The following TXNDC16 variants were observed in gnomAD, a reference collection of about 807,000 sequenced individuals.
The protein encoded by TXNDC16 is thioredoxin domain containing 16.
Under a neutral mutation model 85.6 loss-of-function variants are expected in TXNDC16, and 74 were observed. The ratio of observed to expected loss-of-function variants is 0.86; its 90% confidence interval spans 0.72 to 1.05. The LOEUF (loss-of-function observed/expected upper bound fraction) is 1.05, where lower values mean the gene tolerates loss of function less well. Among genes scored for constraint, TXNDC16 ranks in the 50% least tolerant of loss-of-function variants. The probability of loss-of-function intolerance (pLI) is 0.00; values close to 1 mark genes in which losing one functional copy is unlikely to be tolerated. For missense variants in TXNDC16, 959 were observed against 947.0 expected (o/e 1.01, Z -0.17); for synonymous variants, 335 against 326.5 (o/e 1.03, Z -0.28).
chr14:52,511,346 T>C lies in TXNDC16; in HGVS notation c.650A>G (p.Lys217Arg), dbSNP rs749631315. The C allele has an allele frequency of 1.3e-5, 21 of 1,604,820 alleles. 1 individual carries two copies. In the South Asian group the frequency reaches 2.1e-4, roughly 16 times the overall value. The change falls in exon 9 of 21, where the codon AAA becomes AGA. Residue 217 changes from lysine (K) to arginine (R), a missense_variant. Lys to Arg is a conservative substitution (Grantham distance 26). Coordinates refer to ENST00000281741, the MANE Select transcript of TXNDC16 (RefSeq NM_020784.3). ...TTGCTGGGTCAAGTCCAAGACTAGT[T>C]TACAATGAAAAAAGTAGAGATGTGC... ...EYAHLYFFHC[K>R]LVLDLTQQCR...
chr14:52,444,710 A>G (rs114208118), intron 18 of TXNDC16, among the ~76,000 whole-genome samples: 1 of 152,272 alleles, frequency 6.6e-6, no homozygotes, highest in African/African-American at 2.4e-5. Flanking sequence ...TATCCACTAA[A>G]TATACCAAGA....
At chr14:52,465,492 T>TGA (rs1172996691) in intron 16 of TXNDC16, among the ~76,000 whole-genome samples, 2 of 149,664 alleles carry the variant, frequency 1.3e-5, no homozygotes, top group Non-Finnish European at 2.9e-5. Flanking sequence ...CTCGGGAGAC[T>TGA]GAGGCAGGAG....
At chr14:52,488,292 C>A in intron 12 of TXNDC16, 71 bp downstream of exon 12, 1 of 1,560,530 alleles carries the variant, frequency 6.4e-7, no homozygotes, top group Non-Finnish European at 8.7e-7. Flanking sequence ...GAAAGTTAAT[C>A]CATTGGAAAT....
intron 7 of TXNDC16, among the ~76,000 whole-genome samples, chr14:52,517,107 G>C (rs1342978810): frequency 6.6e-6 from 1 of 152,012 alleles, no homozygotes; most frequent in Non-Finnish European, 1.5e-5. Flanking sequence ...AGCTCACTCT[G>C]TATAGCACAC....
At chr14:52,549,139 A>G (rs1439647797) in intron 1 of TXNDC16, among the ~76,000 whole-genome samples, 1 of 152,244 alleles carries the variant, frequency 6.6e-6, no homozygotes, top group East Asian at 1.9e-4. Flanking sequence ...TCCCAACTAC[A>G]TGTAGACTTT....
rs78966484 is a variant in TXNDC16, at chr14:52,487,144, T to C, written c.1108+1219A>G. On this transcript the variant is annotated intron_variant, in intron 12 of 20. Transcript: ENST00000281741. ...TCCTCTAACTCTGAAGGTTCAAATATAGGAACCATTACAGGAATAAGCAGG... is the reference window on the plus strand; with the variant it reads ...TCCTCTAACTCTGAAGGTTCAAATACAGGAACCATTACAGGAATAAGCAGG... 9.2e-3 allele frequency among the ~76,000 whole-genome samples: 1,405 copies of C among 152,062 alleles called. 19 individuals carry two copies. Among genetic ancestry groups the C allele is most frequent in the African/African-American group, 0.032 (1,342 of 41,480 alleles).
intron 9 of TXNDC16, among the ~76,000 whole-genome samples, chr14:52,506,592 C>A (rs2036812184): frequency 7.5e-6 from 1 of 133,166 alleles, no homozygotes. Context: ...CTCTGTCGCC[C>A]AGGCCAGACT....
At chr14:52,546,366 T>C (rs185470351) in intron 1 of TXNDC16, among the ~76,000 whole-genome samples, 1 of 152,300 alleles carries the variant, frequency 6.6e-6, no homozygotes, top group Admixed American at 6.5e-5. Context: ...TTCAGAGAAA[T>C]GCGGCCTTGT....
chr14:52,438,305 C>CT (rs1225291155), intron 20 of TXNDC16, among the ~76,000 whole-genome samples: 1 of 152,152 alleles, frequency 6.6e-6, no homozygotes, highest in Non-Finnish European at 1.5e-5. Context: ...ACAGAGAAAT[C>CT]TTTTGTGAAA....
At position 52,543,421 on chromosome 14, in the gene TXNDC16, G is replaced by A; in HGVS notation, c.137C>T (p.Ser46Phe). 4 of 1,609,478 alleles carry A rather than the reference G, an allele frequency of 2.5e-6. No individual in the cohort carries two copies. The highest frequency in any genetic ancestry group is 2.5e-6 in the Non-Finnish European group (3 of 1,178,582). Residue 46 changes from serine (S) to phenylalanine (F), a missense_variant, in exon 3 of 21, where the codon TCT (serine) becomes TTT (phenylalanine). Ser to Phe is a radical substitution (Grantham distance 155, BLOSUM62 -2). Transcript: ENST00000281741. ...ACCAGCTTGACAAAAATAAGCTAAA[G>A]AGGCTTTTCCTGGTTGCAATGTACT... ...YFSTLQPGKASLAYFCQADSP... is the reference protein window; with the variant it reads ...YFSTLQPGKAFLAYFCQADSP...
intron 18 of TXNDC16, among the ~76,000 whole-genome samples, chr14:52,448,356 A>T (rs2035331791): frequency 6.6e-6 from 1 of 152,076 alleles, no homozygotes; most frequent in African/African-American, 2.4e-5. Flanking sequence ...TTCAGTGGAA[A>T]CCTTACAGGA....
chr14:52,455,133 T>A (rs1377950824), intron 18 of TXNDC16, among the ~76,000 whole-genome samples, 191 bp downstream of exon 18: 3 of 152,272 alleles, frequency 2.0e-5, no homozygotes, highest in African/African-American at 7.2e-5. Context: ...GATGTAAACT[T>A]TTAGCAGTGG....
chr14:52,468,690 C>G (rs887972612), intron 16 of TXNDC16, among the ~76,000 whole-genome samples: 1 of 151,978 alleles, frequency 6.6e-6, no homozygotes, highest in African/African-American at 2.4e-5. Context: ...CCAGCCTGGG[C>G]AACACAGGGA....
At chr14:52,470,444 A>G in intron 15 of TXNDC16, 68 bp downstream of exon 15, 1 of 1,495,374 alleles carries the variant, frequency 6.7e-7, no homozygotes, top group Non-Finnish European at 9.0e-7. Context: ...AGTGTTAGCA[A>G]AGTCTGAGAA....
intron 14 of TXNDC16, among the ~76,000 whole-genome samples, chr14:52,476,856 G>A (rs535099511): frequency 7.2e-5 from 11 of 152,146 alleles, no homozygotes; most frequent in Admixed American, 3.9e-4. Flanking sequence ...GAAGATCAAT[G>A]CCTAGGCACA....
At chr14:52,544,202 A>G (rs1210548276) in intron 2 of TXNDC16, 62 bp downstream of exon 2, 1 of 152,114 alleles carries the variant, frequency 6.6e-6, no homozygotes, top group African/African-American at 2.4e-5. Flanking sequence ...ATTCAATTCT[A>G]TGTTCTGAAA....
At chr14:52,451,162 G>GGT (rs2035402609) in intron 18 of TXNDC16, among the ~76,000 whole-genome samples, 1 of 151,348 alleles carries the variant, frequency 6.6e-6, no homozygotes, top group African/African-American at 2.4e-5. Flanking sequence ...CTATACATTG[G>GGT]GTACAGTGCA....
intron 1 of TXNDC16, among the ~76,000 whole-genome samples, chr14:52,548,532 C>T (rs1182431056): frequency 2.6e-5 from 4 of 152,120 alleles, no homozygotes; most frequent in African/African-American, 9.7e-5. Context: ...TTGCTGTTTG[C>T]TCATATAGCC....
intron 16 of TXNDC16, among the ~76,000 whole-genome samples, chr14:52,461,985 G>T (rs2035662581): frequency 6.6e-6 from 1 of 152,308 alleles, no homozygotes; most frequent in African/African-American, 2.4e-5. Flanking sequence ...CTGACCAGTA[G>T]ATCCAGGCAA....
Sources: gnomAD v4.1 joint callset for allele counts (sites outside exome capture counted in the v4.1 genomes callset) on GRCh38, gnomAD v4.1.1 for gene constraint, MANE v1.5 for transcripts, NCBI Gene and HGNC (gene_info 2026-07-23, HGNC 2026-07-21) for gene names.